CALD1: variants seen among roughly 807,000 people sequenced by gnomAD.
The protein encoded by CALD1 is caldesmon.
CALD1 carries 33 observed loss-of-function variants against 99.9 expected under a neutral mutation model. The ratio of observed to expected loss-of-function variants is 0.33; its 90% confidence interval spans 0.25 to 0.44. CALD1 has a LOEUF of 0.44. Among genes scored for constraint, CALD1 ranks in the 20% least tolerant of loss-of-function variants. CALD1 has a pLI of 1.00. For synonymous variants in CALD1, 310 were observed against 325.0 expected (o/e 0.95, Z 0.50); for missense variants, 861 against 962.1 (o/e 0.89, Z 1.39).
chr7:134,731,263 A>G, the CALD1 span, among the ~76,000 whole-genome samples: 1 of 152,146 alleles, frequency 6.6e-6, no homozygotes, highest in African/African-American at 2.4e-5. Context: ...CAGCCAACCA[A>G]TGAAAACAAA....
chr7:134,796,473 A>G (rs1342624228), intron 1 of CALD1, among the ~76,000 whole-genome samples: 1 of 152,190 alleles, frequency 6.6e-6, no homozygotes, highest in East Asian at 1.9e-4. Flanking sequence ...CACACCCCAT[A>G]TTCAGAGTTC....
intron 7 of CALD1, among the ~76,000 whole-genome samples, chr7:134,946,967 G>A (rs1260544447): frequency 3.9e-5 from 6 of 152,002 alleles, no homozygotes; most frequent in African/African-American, 1.2e-4. Flanking sequence ...GATTACAGGC[G>A]TGAGCCACTG....
chr7:134,888,141 CA>C (rs1426184614), intron 3 of CALD1, among the ~76,000 whole-genome samples: 1 of 152,206 alleles, frequency 6.6e-6, no homozygotes, highest in Non-Finnish European at 1.5e-5. Flanking sequence ...TGACCTCCCT[CA>C]AACCTTCCCA....
At position 134,920,757 on chromosome 7, in the gene CALD1, T is replaced by C. The variant is rs970021179; in HGVS notation, c.72-7997T>C. 8.0e-6 allele frequency: 8 copies of C among 995,894 alleles called. No individual in the cohort carries two copies. In the African/African-American group the frequency reaches 1.2e-4, roughly 15 times the overall value. 61.7% of individuals were successfully genotyped at this position (995,894 alleles called of 1,614,324 possible). ...TGAATTCAAAAATGGTGAACTTCAA[T>C]AGCATTCATTCTGTCAGATAGTGAG... On this transcript the variant is annotated intron_variant, in intron 3 of 14. Transcript: ENST00000361675.
At chr7:134,850,739 G>A (rs1033819593) in intron 2 of CALD1, among the ~76,000 whole-genome samples, 3 of 152,094 alleles carry the variant, frequency 2.0e-5, no homozygotes, top group Non-Finnish European at 2.9e-5. Flanking sequence ...TGCTTCCCTT[G>A]TCCACCCTTG....
chr7:134,880,379 G>T (rs1392884363), intron 3 of CALD1, among the ~76,000 whole-genome samples: 1 of 152,146 alleles, frequency 6.6e-6, no homozygotes, highest in South Asian at 2.1e-4. Flanking sequence ...AGGTTTTCTG[G>T]AGGTGGGGGG....
intron 1 of CALD1, among the ~76,000 whole-genome samples, chr7:134,789,031 T>TAAAAAAAAAAAAAA (rs35315682): frequency 3.4e-5 from 4 of 116,810 alleles, no homozygotes; most frequent in Non-Finnish European, 6.8e-5. Context: ...AAACAAAAAG[T>TAAAAAAAAAAAAAA]AAAAAAAAAA....
intron 3 of CALD1, among the ~76,000 whole-genome samples, chr7:134,903,645 G>A (rs1040259889): frequency 1.1e-4 from 16 of 152,130 alleles, no homozygotes; most frequent in African/African-American, 3.9e-4. Flanking sequence ...GTCTCCCTGT[G>A]TCTCTTCTTA....
chr7:134,732,125 C>T, the CALD1 span, among the ~76,000 whole-genome samples: 2 of 152,150 alleles, frequency 1.3e-5, no homozygotes, highest in Non-Finnish European at 2.9e-5. Flanking sequence ...GTTTGACTTT[C>T]TCCTACCTTA....
At chr7:134,777,056 G>T (rs1225394388), upstream of CALD1, among the ~76,000 whole-genome samples, 1 of 152,036 alleles carries the variant, frequency 6.6e-6, no homozygotes, top group African/African-American at 2.4e-5. Context: ...TAAATCTCGT[G>T]TATTTTTAGG....
chr7:134,761,576 A>G (rs1162147760), intron 1 of CALD1, among the ~76,000 whole-genome samples: 1 of 152,206 alleles, frequency 6.6e-6, no homozygotes, highest in Non-Finnish European at 1.5e-5. Context: ...TGATCTTCAT[A>G]TCAACTCTTG....
chr7:134,724,450 C>T, the CALD1 span, among the ~76,000 whole-genome samples: 1 of 152,156 alleles, frequency 6.6e-6, no homozygotes, highest in Admixed American at 6.5e-5. Context: ...ACCTCAGCTC[C>T]TCCAGCTGTG....
At chr7:134,923,332 T>A (rs1563098962) in intron 3 of CALD1, among the ~76,000 whole-genome samples, 1 of 152,260 alleles carries the variant, frequency 6.6e-6, no homozygotes, top group Non-Finnish European at 1.5e-5. Context: ...TTATAGATCA[T>A]TTGTGGATTG....
At chr7:134,897,514 A>C (rs777179678) in intron 3 of CALD1, among the ~76,000 whole-genome samples, 1 of 152,036 alleles carries the variant, frequency 6.6e-6, no homozygotes, top group African/African-American at 2.4e-5. Flanking sequence ...TCCACTAAAT[A>C]GATTTCAGAA....
At chr7:134,958,409 T>C in intron 11 of CALD1, 119 bp downstream of exon 11, 1 of 78,824 alleles carries the variant, frequency 1.3e-5, no homozygotes, top group Non-Finnish European at 1.9e-5. Context: ...GTGTTAGAAT[T>C]TTTTTTTTTT....
intron 3 of CALD1, chr7:134,920,727 TACTATGAATTC>T (rs1326889676): frequency 1.6e-6 from 2 of 1,245,858 alleles, no homozygotes; most frequent in African/African-American, 3.1e-5. Flanking sequence ...GCCAGTAAGT[TACTATGAATTC>T]AAAAATGGTG....
intron 3 of CALD1, among the ~76,000 whole-genome samples, chr7:134,909,409 G>A (rs187952770): frequency 3.9e-5 from 6 of 152,330 alleles, no homozygotes; most frequent in Middle Eastern, 3.4e-3. Flanking sequence ...AAGGCTGGGC[G>A]TGGTGGCTCA....
chr7:134,941,738 C>A (rs1806459894), intron 7 of CALD1, among the ~76,000 whole-genome samples: 1 of 152,118 alleles, frequency 6.6e-6, no homozygotes, highest in Admixed American at 6.5e-5. Flanking sequence ...CCTCAGATTT[C>A]TTTACCACAT....
chr7:134,817,676 T>C (rs1461349842), intron 1 of CALD1, among the ~76,000 whole-genome samples: 1 of 152,200 alleles, frequency 6.6e-6, no homozygotes, highest in Non-Finnish European at 1.5e-5. Flanking sequence ...AAGTCATTGT[T>C]CTATTTTTCA....
Sources: gnomAD v4.1 joint callset for allele counts (sites outside exome capture counted in the v4.1 genomes callset) on GRCh38, gnomAD v4.1.1 for gene constraint, MANE v1.5 for transcripts, NCBI Gene and HGNC (gene_info 2026-07-23, HGNC 2026-07-21) for gene names.